The following PFKP variants were observed in gnomAD, a reference collection of about 807,000 sequenced individuals.
PFKP encodes phosphofructokinase, platelet, also known as ATP-dependent 6-phosphofructokinase, platelet type.
PFKP carries 101 observed loss-of-function variants against 94.3 expected under a neutral mutation model. The observed-to-expected ratio is 1.07, with a 90% CI of 0.91 to 1.26. The LOEUF (loss-of-function observed/expected upper bound fraction) is 1.26, where lower values mean the gene tolerates loss of function less well. Ranked by LOEUF, PFKP falls within the 50% of genes most tolerant of loss-of-function variation. The probability of loss-of-function intolerance (pLI) is 0.00; values close to 1 mark genes in which losing one functional copy is unlikely to be tolerated. For synonymous variants in PFKP, 573 were observed against 432.6 expected, an observed-to-expected ratio of 1.32 and a Z score of -4.03; for missense variants, 1,145 against 1,103.3, an observed-to-expected ratio of 1.04 and a Z score of -0.53.
intron 5 of PFKP, 36 bp downstream of exon 5, chr10:3,103,980 G>A (rs772222501): frequency 3.4e-5 from 55 of 1,600,520 alleles, no homozygotes; most frequent in Middle Eastern, 1.7e-4. Context: ...GAGGCCAGTG[G>A]GGCCCGACGT....
chr10:3,134,452 T>A (rs751177453), intron 19 of PFKP, 31 bp from the exon 20 acceptor site: 10 of 1,217,006 alleles, frequency 8.2e-6, no homozygotes, highest in South Asian at 1.2e-5. Context: ...ACTGTATAAC[T>A]GGTATTTCAT....
chr10:3,115,280 ACGGCGGAGGACAGGACTGGGGATGCTG>A (rs1836674115), intron 13 of PFKP, among the ~76,000 whole-genome samples: 1 of 74,722 alleles, frequency 1.3e-5, no homozygotes. Context: ...TGTGTGTCCC[ACGGCGGAGGACAGGACTGGGGATGCTG>A]GGGTGAAAGT....
chr10:3,129,861 C>CG lies in PFKP; in HGVS notation c.1727dup (p.Val577ArgfsTer25). The CG allele has an allele frequency of 3.7e-6, 6 of 1,613,658 alleles. No homozygotes were observed. Among genetic ancestry groups the CG allele is most frequent in the Non-Finnish European group, 5.1e-6 (6 of 1,179,980 alleles). On this transcript the variant is annotated frameshift_variant, in exon 17 of 22. Transcript: ENST00000381125. LOFTEE classifies it high-confidence loss of function. ...GCAGTCCGCCAGCGGAACCAAGCGG[C>CG]GCGTGTTCATCATCGAGACCATGGG... is the stretch of plus-strand genomic sequence containing the variant.
intron 2 of PFKP, among the ~76,000 whole-genome samples, chr10:3,096,479 G>A (rs1207756599): frequency 1.3e-5 from 2 of 152,136 alleles, no homozygotes; most frequent in African/African-American, 2.4e-5. Flanking sequence ...GTTTACGGCC[G>A]CTCTACATCC....
intron 15 of PFKP, 130 bp from the exon 16 acceptor site, chr10:3,119,762 G>GTGGTCGCCGTATCATTAAAAAAAAAAAA: frequency 1.5e-6 from 1 of 664,014 alleles, no homozygotes; most frequent in African/African-American, 1.8e-5. Flanking sequence ...GTTGATCTCG[G>GTGGTCGCCGTATCATTAAAAAAAAAAAA]AGTGTTTTCG....
chr10:3,108,746 G>T lies in PFKP; in HGVS notation c.916G>T (p.Gly306Trp). 6.2e-7 allele frequency: 1 copy of T among 1,613,956 alleles called. No individual in the cohort carries two copies. The highest frequency in any genetic ancestry group is 8.5e-7 in the Non-Finnish European group (1 of 1,179,918). The part of the protein sequence containing the change: ...LGYDTRVTIL[G>W]HVQRGGTPSA... ...CTATGACACACGTGTGACCATCCTC[G>T]GGCACGTGCAGAGAGGAGGGACCCC... The change falls in exon 9 of 22, where the codon GGG becomes TGG. Residue 306 changes from glycine to tryptophan, a missense_variant. By Grantham distance (184) the Gly-to-Trp change is radical. Coordinates refer to ENST00000381125, the MANE Select transcript of PFKP (RefSeq NM_002627.5).
chr10:3,072,042 A>T (rs11598339), intron 1 of PFKP, among the ~76,000 whole-genome samples: 1 of 152,052 alleles, frequency 6.6e-6, no homozygotes, highest in Non-Finnish European at 1.5e-5. Flanking sequence ...GCCCAGCACC[A>T]TGCCTGGCGC....
At chr10:3,076,921 C>G (rs551034212) in intron 1 of PFKP, among the ~76,000 whole-genome samples, 10 of 152,294 alleles carry the variant, frequency 6.6e-5, no homozygotes, top group African/African-American at 2.4e-4. Flanking sequence ...CAGAATCTGC[C>G]TTTGGCATCC....
At chr10:3,130,593 G>A (rs1838465538) in intron 17 of PFKP, among the ~76,000 whole-genome samples, 1 of 152,148 alleles carries the variant, frequency 6.6e-6, no homozygotes, top group Non-Finnish European at 1.5e-5. Context: ...AGGGAGTCTT[G>A]CTGTCACCCA....
intron 13 of PFKP, among the ~76,000 whole-genome samples, chr10:3,114,052 C>T (rs899237666): frequency 2.0e-5 from 3 of 152,214 alleles, no homozygotes; most frequent in Non-Finnish European, 4.4e-5. Context: ...GGGCTGGGTG[C>T]ACGAGGGAGG....
At chr10:3,084,470 A>G (rs993202010) in intron 2 of PFKP, among the ~76,000 whole-genome samples, 2 of 152,180 alleles carry the variant, frequency 1.3e-5, no homozygotes, top group African/African-American at 2.4e-5. Flanking sequence ...CTTTTATTCA[A>G]TTAAACTGGT....
chr10:3,111,541 G>A (rs1460686589), intron 10 of PFKP, among the ~76,000 whole-genome samples: 2 of 152,076 alleles, frequency 1.3e-5, no homozygotes, highest in Non-Finnish European at 2.9e-5. Flanking sequence ...TAAAGCTGAG[G>A]GACCACTACT....
At position 3,101,978 on chromosome 10, in the gene PFKP, G is replaced by T. The variant is rs192310316; in HGVS notation, c.454+424G>T. ...CTTTAAAACTGAAGTTGGGCCGGGCGCGGTGGCTCACGCCTGTAATCCCAG... is the reference window on the plus strand; with the variant it reads ...CTTTAAAACTGAAGTTGGGCCGGGCTCGGTGGCTCACGCCTGTAATCCCAG... On this transcript the variant is annotated intron_variant, in intron 4 of 21. Coordinates refer to ENST00000381125, the MANE Select transcript of PFKP (RefSeq NM_002627.5). Among the ~76,000 whole-genome samples, 879 of 150,878 alleles carry T rather than the reference G, an allele frequency of 5.8e-3. 10 individuals are homozygous for T. The highest frequency in any genetic ancestry group is 0.02 in the African/African-American group (830 of 41,424).
intron 1 of PFKP, among the ~76,000 whole-genome samples, chr10:3,081,001 G>C (rs1833025113): frequency 6.6e-6 from 1 of 152,176 alleles, no homozygotes; most frequent in Non-Finnish European, 1.5e-5. Flanking sequence ...TGATGTTCTT[G>C]AGAGATGGCC....
At chr10:3,071,327 G>A (rs958359564) in intron 1 of PFKP, among the ~76,000 whole-genome samples, 9 of 149,690 alleles carry the variant, frequency 6.0e-5, no homozygotes, top group Non-Finnish European at 1.2e-4. Context: ...CTATATTCCC[G>A]ACTCCCCGGG....
chr10:3,111,195 T>C (rs1836200719), intron 10 of PFKP, among the ~76,000 whole-genome samples: 2 of 152,094 alleles, frequency 1.3e-5, no homozygotes, highest in Non-Finnish European at 2.9e-5. Flanking sequence ...TGAGAGGTAG[T>C]ATGTGCCTGC....
chr10:3,110,980 A>G (rs1836167110), intron 10 of PFKP, among the ~76,000 whole-genome samples: 2 of 150,084 alleles, frequency 1.3e-5, no homozygotes, highest in African/African-American at 2.5e-5. Context: ...ATGTGTGTAT[A>G]TGCATGTGTA....
At position 3,082,462 on chromosome 10, in the gene PFKP, G is replaced by A. The variant is rs759890203; in HGVS notation, c.186+1G>A. ...GGCCAAGGTGTACTTCATCTACGAGGTCAGTGTCTGCCCCTCACCCCCTGT... is the reference window on the plus strand; with the variant it reads ...GGCCAAGGTGTACTTCATCTACGAGATCAGTGTCTGCCCCTCACCCCCTGT... On this transcript the variant is annotated splice_donor_variant, in intron 2 of 21. Transcript: ENST00000381125. LOFTEE classifies it high-confidence loss of function. The A allele has an allele frequency of 1.2e-6, 2 of 1,602,044 alleles. No individual in the cohort carries two copies. The highest frequency in any genetic ancestry group is 1.1e-5 in the South Asian group (1 of 90,186).
Position 3,120,062 on chromosome 10 carries a change from C to CT in PFKP, c.1683+19dup, listed in dbSNP as rs1564336025. 1.1e-5 allele frequency: 18 copies of CT among 1,612,912 alleles called. No homozygotes were observed. In the East Asian group the frequency reaches 4.0e-4, roughly 36 times the overall value. On this transcript the variant is annotated intron_variant, in intron 16 of 21. Transcript: ENST00000381125. ...TCACCGACGTAAGTCCGTGTGCGCC[C>CT]TGCCAGGCGGGCGCCGGCTGACGCT...
Sources: allele counts gnomAD v4.1 joint callset (sites outside exome capture counted in the v4.1 genomes callset), GRCh38; gene constraint gnomAD v4.1.1; transcripts MANE v1.5; gene names NCBI Gene and HGNC (gene_info 2026-07-23, HGNC 2026-07-21).